Variants in SCAMP1 observed in about 807,000 individuals in gnomAD.
SCAMP1 encodes secretory carrier membrane protein 1, also known as secretory carrier-associated membrane protein 1.
In SCAMP1, 15 loss-of-function variants were observed where a neutral mutation model predicts 41.8. That is an observed-to-expected ratio of 0.36 (90% confidence interval 0.24 to 0.55). The LOEUF is 0.55. SCAMP1 is among the 20% of genes least tolerant of loss of function. SCAMP1 has a pLI of 0.86. For missense variants in SCAMP1, 341 were observed against 412.6 expected, an observed-to-expected ratio of 0.83 and a Z score of 1.50; for synonymous variants, 135 against 136.8, an observed-to-expected ratio of 0.99 and a Z score of 0.09.
intron 8 of SCAMP1, among the ~76,000 whole-genome samples, chr5:78,462,362 C>G (rs987640317): frequency 6.6e-6 from 1 of 152,120 alleles, no homozygotes; most frequent in Non-Finnish European, 1.5e-5. Flanking sequence ...CAGAATCTCA[C>G]TCTGTTGCCC....
At chr5:78,440,212 G>A (rs1177950387) in intron 6 of SCAMP1, among the ~76,000 whole-genome samples, 2 of 152,114 alleles carry the variant, frequency 1.3e-5, no homozygotes, top group African/African-American at 2.4e-5. Flanking sequence ...CTCTCAACTC[G>A]TCAAAGTCAT....
At chr5:78,427,341 A>AG (rs898764801) in intron 6 of SCAMP1, among the ~76,000 whole-genome samples, 30 of 152,248 alleles carry the variant, frequency 2.0e-4, no homozygotes, top group African/African-American at 7.2e-4. Context: ...GCCATTCATG[A>AG]GGGATCATGA....
rs112170265 is a variant in SCAMP1 at position 78,435,446 on chromosome 5, G to A, written c.632+13486G>A. Among the ~76,000 whole-genome samples, 276 of 152,210 alleles carry A rather than the reference G, an allele frequency of 1.8e-3. 1 individual carries two copies. The highest frequency in any genetic ancestry group is 5.9e-3 in the African/African-American group (244 of 41,536). ...TGCGTCCAAGGGTTCTCATTGTTCA[G>A]TTCCCACCTATGAGTGAGAACATGC... On this transcript the variant is annotated intron_variant, in intron 6 of 8. Coordinates refer to ENST00000621999, the MANE Select transcript of SCAMP1 (RefSeq NM_004866.6).
chr5:78,469,874 A>G (rs1753830617), intron 8 of SCAMP1, among the ~76,000 whole-genome samples: 1 of 138,176 alleles, frequency 7.2e-6, no homozygotes, highest in African/African-American at 2.7e-5. Context: ...CTACCCTCCA[A>G]CCCCTTACAA....
intron 2 of SCAMP1, among the ~76,000 whole-genome samples, chr5:78,396,195 T>C (rs10043115): frequency 0.19 from 28,373 of 152,094 alleles, 3,271 homozygotes; most frequent in Admixed American, 0.35. Flanking sequence ...TATACATTTG[T>C]CCAAACCCAT....
chr5:78,383,378 C>T (rs991128924), intron 1 of SCAMP1, among the ~76,000 whole-genome samples: 1 of 152,032 alleles, frequency 6.6e-6, no homozygotes, highest in Non-Finnish European at 1.5e-5. Flanking sequence ...TTCTCCTACC[C>T]TATGTGTTGT....
At chr5:78,391,673 T>G (rs1751508838) in intron 2 of SCAMP1, among the ~76,000 whole-genome samples, 1 of 152,028 alleles carries the variant, frequency 6.6e-6, no homozygotes, top group Admixed American at 6.5e-5. Flanking sequence ...AGGTGGAGGT[T>G]GTAGCGAGCC....
At chr5:78,387,051 T>C (rs567809575) in intron 1 of SCAMP1, among the ~76,000 whole-genome samples, 4 of 152,344 alleles carry the variant, frequency 2.6e-5, no homozygotes, top group Admixed American at 6.5e-5. Context: ...AAATATGTTT[T>C]CCAAACTTTT....
At chr5:78,436,519 A>G (rs1344487028) in intron 6 of SCAMP1, among the ~76,000 whole-genome samples, 3 of 152,194 alleles carry the variant, frequency 2.0e-5, no homozygotes, top group Non-Finnish European at 4.4e-5. Flanking sequence ...GGTTTGTCAA[A>G]GATCAGATGG....
At chr5:78,432,804 C>T (rs1474481766) in intron 6 of SCAMP1, among the ~76,000 whole-genome samples, 2 of 152,086 alleles carry the variant, frequency 1.3e-5, no homozygotes, top group Non-Finnish European at 2.9e-5. Flanking sequence ...CAGTCATTCA[C>T]TGTCTCTTTA....
rs1228719101 is a variant in SCAMP1 at position 78,477,581 on chromosome 5, A to T, written c.*1913A>T. On this transcript the variant is annotated 3_prime_UTR_variant, in exon 9 of 9. Coordinates refer to ENST00000621999, the MANE Select transcript of SCAMP1 (RefSeq NM_004866.6). Reference sequence around the variant, plus strand: ...TTTTCCTGTACACTACAAACAAAAGATATATTAGAGACTTTTGAAAAATGC... The same window carrying T: ...TTTTCCTGTACACTACAAACAAAAGTTATATTAGAGACTTTTGAAAAATGC... 6.6e-6 allele frequency: 1 copy of T among 152,170 alleles called. No individual in the cohort carries two copies. The highest frequency in any genetic ancestry group is 1.5e-5 in the Non-Finnish European group (1 of 67,992). 9.4% of individuals were successfully genotyped at this position (152,170 alleles called of 1,614,324 possible).
chr5:78,369,135 C>T (rs1293928011), intron 1 of SCAMP1, among the ~76,000 whole-genome samples: 16 of 149,436 alleles, frequency 1.1e-4, no homozygotes, highest in African/African-American at 3.7e-4. Context: ...GAGACAGGGT[C>T]TCTCTCTGTC....
At chr5:78,424,087 G>A (rs1409136703) in intron 6 of SCAMP1, among the ~76,000 whole-genome samples, 3 of 151,342 alleles carry the variant, frequency 2.0e-5, no homozygotes, top group Non-Finnish European at 2.9e-5. Context: ...CAGGTGATCC[G>A]CCCACCTTGG....
chr5:78,435,684 A>C (rs530884254), intron 6 of SCAMP1, among the ~76,000 whole-genome samples: 1 of 152,180 alleles, frequency 6.6e-6, no homozygotes, highest in African/African-American at 2.4e-5. Context: ...CGGAGTAAAC[A>C]TACGTGTGCT....
At chr5:78,439,956 A>G (rs969048983) in intron 6 of SCAMP1, among the ~76,000 whole-genome samples, 4 of 151,964 alleles carry the variant, frequency 2.6e-5, no homozygotes, top group Non-Finnish European at 5.9e-5. Context: ...CATTCATTTG[A>G]TCTTCAATCA....
At chr5:78,442,498 ATCTGCCTCCC>A (rs748849666) in intron 6 of SCAMP1, among the ~76,000 whole-genome samples, 5 of 152,114 alleles carry the variant, frequency 3.3e-5, no homozygotes, top group Non-Finnish European at 7.4e-5. Flanking sequence ...ACCTCAGGTG[ATCTGCCTCCC>A]TCTGCCTCAC....
At chr5:78,413,553 GA>G (rs921294533) in intron 2 of SCAMP1, among the ~76,000 whole-genome samples, 1 of 151,992 alleles carries the variant, frequency 6.6e-6, no homozygotes, top group Non-Finnish European at 1.5e-5. Flanking sequence ...CAGTAGCTGG[GA>G]CTACAGGTGC....
intron 6 of SCAMP1, among the ~76,000 whole-genome samples, chr5:78,424,241 T>C (rs896592375): frequency 2.6e-5 from 4 of 152,194 alleles, no homozygotes; most frequent in Non-Finnish European, 5.9e-5. Context: ...TATACCTTCC[T>C]GTTATGTATC....
rs923839800 is a variant in SCAMP1, at chr5:78,478,596, A to C, written c.*2928A>C. 6.6e-6 allele frequency: 1 copy of C among 152,052 alleles called. No homozygotes were observed. Among genetic ancestry groups the C allele is most frequent in the African/African-American group, 2.4e-5 (1 of 41,406 alleles). 9.4% of individuals were successfully genotyped at this position (152,052 alleles called of 1,614,324 possible). ...AATGGAAAACCTATTCATGGCTCAGATTTTTCATTGTGGGTTAAAAATGGG... is the reference window on the plus strand; with the variant it reads ...AATGGAAAACCTATTCATGGCTCAGCTTTTTCATTGTGGGTTAAAAATGGG... On this transcript the variant is annotated 3_prime_UTR_variant, in exon 9 of 9. Coordinates refer to ENST00000621999, the MANE Select transcript of SCAMP1 (RefSeq NM_004866.6).
Sources: allele counts gnomAD v4.1 joint callset (sites outside exome capture counted in the v4.1 genomes callset), GRCh38; gene constraint gnomAD v4.1.1; transcripts MANE v1.5; gene names NCBI Gene and HGNC (gene_info 2026-07-23, HGNC 2026-07-21).